TTC7B: variants seen among roughly 807,000 people sequenced by gnomAD.
The protein encoded by TTC7B is tetratricopeptide repeat domain 7B.
TTC7B carries 28 observed loss-of-function variants against 106.8 expected under a neutral mutation model. The ratio of observed to expected loss-of-function variants is 0.26; its 90% CI spans 0.19 to 0.36. The LOEUF (loss-of-function observed/expected upper bound fraction) is 0.36, where lower values mean the gene tolerates loss of function less well. TTC7B is among the 10% of genes least tolerant of loss of function. The pLI is 1.00. For missense variants in TTC7B, 862 were observed against 1,076.4 expected, an observed-to-expected ratio of 0.80 and a Z score of 2.79; for synonymous variants, 405 against 430.6, an observed-to-expected ratio of 0.94 and a Z score of 0.74.
chr14:90,779,099 G>A (rs1891126506), intron 3 of TTC7B, among the ~76,000 whole-genome samples: 1 of 152,184 alleles, frequency 6.6e-6, no homozygotes, highest in Admixed American at 6.5e-5. Context: ...GTCACGGAAC[G>A]TGGTTTGAAC....
intron 4 of TTC7B, among the ~76,000 whole-genome samples, chr14:90,735,496 GACCTTGTCTCAA>G (rs1889483857): frequency 2.0e-5 from 3 of 148,132 alleles, no homozygotes; most frequent in Admixed American, 2.0e-4. Context: ...GACAGAGTGA[GACCTTGTCTCAA>G]AAAAAAAAAA....
At chr14:90,669,674 AG>A (rs1886558083) in intron 9 of TTC7B, among the ~76,000 whole-genome samples, 1 of 152,264 alleles carries the variant, frequency 6.6e-6, no homozygotes, top group African/African-American at 2.4e-5. Flanking sequence ...GCACATAAAA[AG>A]ATGCTCAACA....
At position 90,544,129 on chromosome 14, in the gene TTC7B, A is replaced by C. The variant is rs570140099; in HGVS notation, c.2311-2540T>G. ...GGAGACCCCCAGCTCTGGGAGGAAG[A>C]GGCAGTTTAGGGAGCTCTCCTGGGT... On this transcript the variant is annotated intron_variant, in intron 19 of 19. Coordinates refer to ENST00000328459, the MANE Select transcript of TTC7B (RefSeq NM_001010854.2). Among the ~76,000 whole-genome samples, 4 of 152,310 alleles carry C rather than the reference A, an allele frequency of 2.6e-5. No homozygotes were observed. In the South Asian group the frequency reaches 6.2e-4, roughly 24 times the overall value.
chr14:90,570,834 A>G lies in TTC7B; in HGVS notation c.2310+7272T>C, dbSNP rs1400808673. ...CACAGCAACACCACCGGGCACTGTTATTACTCCCATTTCACTGTCGAGAAA... is the reference window on the plus strand; with the variant it reads ...CACAGCAACACCACCGGGCACTGTTGTTACTCCCATTTCACTGTCGAGAAA... On this transcript the variant is annotated intron_variant, in intron 19 of 19. Coordinates refer to ENST00000328459, the MANE Select transcript of TTC7B (RefSeq NM_001010854.2). This position sits in a 1 kb window ranked among gnomAD's most constrained non-coding sequence, Gnocchi z 4.0. Among the ~76,000 whole-genome samples, 1 of 152,178 alleles carries G rather than the reference A, an allele frequency of 6.6e-6. No individual in the cohort carries two copies.
chr14:90,661,117 G>C (rs970476127), intron 9 of TTC7B, among the ~76,000 whole-genome samples: 2 of 152,246 alleles, frequency 1.3e-5, no homozygotes, highest in Non-Finnish European at 2.9e-5. Context: ...AAGAGAAAGC[G>C]CGTGGCCCTG....
chr14:90,665,833 T>G (rs1290950661), intron 9 of TTC7B, among the ~76,000 whole-genome samples: 1 of 152,228 alleles, frequency 6.6e-6, no homozygotes, highest in Non-Finnish European at 1.5e-5. Context: ...CGTGTATACT[T>G]CACGAGTCAG....
chr14:90,658,254 G>C lies in TTC7B; in HGVS notation c.1236+50C>G, dbSNP rs557174058. On this transcript the variant is annotated intron_variant, in intron 10 of 19. Transcript: ENST00000328459. ...GCAATTCCATGACATTCAACTCTTT[G>C]GCCTTAATAGGAAAGGCATAAAAAA... 22 of 1,451,202 alleles carry C rather than the reference G, an allele frequency of 1.5e-5. No individual in the cohort carries two copies. In the African/African-American group the frequency reaches 2.8e-4, roughly 18 times the overall value. The allele number at this position is 1,451,202 out of a possible 1,614,324, so 89.9% of individuals were successfully genotyped here.
Position 90,578,251 on chromosome 14 carries a change from G to A in TTC7B, c.2165C>T (p.Ala722Val). The A allele has an allele frequency of 6.2e-7, 1 of 1,614,234 alleles. No individual in the cohort carries two copies. The highest frequency in any genetic ancestry group is 8.5e-7 in the Non-Finnish European group (1 of 1,180,050). Residue 722 changes from alanine to valine, a missense_variant, in exon 19 of 20, where the codon GCT (alanine) becomes GTT (valine). Transcript: ENST00000328459. The surrounding 1 kb of genome is among the most constrained non-coding windows in gnomAD (Gnocchi z 4.7). ...GTGGGACATTGGGAAGAGGTTGGCA[G>A]CTTCTTGGGTACAGGCTGTGGCTTC... ...PAEATACTQE[A>V]ANLFPMSHNV...
At position 90,793,900 on chromosome 14, in the gene TTC7B, GC is replaced by G. The variant is rs565915171; in HGVS notation, c.122-7573del. 3.1e-3 allele frequency among the ~76,000 whole-genome samples: 437 copies of G among 139,228 alleles called. 1 individual carries two copies. The highest frequency in any genetic ancestry group is 5.0e-3 in the Middle Eastern group (1 of 200). The allele number at this position is 139,228 out of a possible 152,430, so 91.3% of individuals were successfully genotyped here. A position where few individuals can be genotyped will look rare whatever the true frequency, so the allele number is the denominator to read the frequency against. ...TGGGATTATAGGCGTGAGCCACCGC[GC>G]CCGGCCTTGTTTGTTTTCTTCGAAA... is the stretch of plus-strand genomic sequence containing the variant. On this transcript the variant is annotated intron_variant, in intron 1 of 19. Transcript: ENST00000328459.
chr14:90,531,956 C>T lies in TTC7B; in HGVS notation c.*9412G>A, dbSNP rs1889299835. ...CAGACCTTTAAGAGGCTGAGGGGAC[C>T]AGATCACTTGAGACCAGGAGTTGGA... On this transcript the variant is annotated 3_prime_UTR_variant, in exon 20 of 20. Coordinates refer to ENST00000328459, the MANE Select transcript of TTC7B (RefSeq NM_001010854.2). The T allele has an allele frequency of 6.6e-6, 1 of 152,144 alleles. No individual in the cohort carries two copies. Among genetic ancestry groups the T allele is most frequent in the African/African-American group, 2.4e-5 (1 of 41,410 alleles). 9.4% of individuals were successfully genotyped at this position (152,144 alleles called of 1,614,324 possible). A position where few individuals can be genotyped will look rare whatever the true frequency, so the allele number is the denominator to read the frequency against.
chr14:90,701,255 T>C (rs151016474), intron 5 of TTC7B, among the ~76,000 whole-genome samples: 1 of 152,270 alleles, frequency 6.6e-6, no homozygotes, highest in African/African-American at 2.4e-5. Flanking sequence ...ACAACATTTT[T>C]TGGACTACCT....
intron 5 of TTC7B, among the ~76,000 whole-genome samples, chr14:90,708,250 G>C (rs981118177): frequency 4.0e-5 from 6 of 151,880 alleles, no homozygotes; most frequent in African/African-American, 1.5e-4. Flanking sequence ...ATTAATGAAG[G>C]TGCCTATAGT....
chr14:90,554,324 C>A (rs1353458230), intron 19 of TTC7B, among the ~76,000 whole-genome samples: 1 of 152,190 alleles, frequency 6.6e-6, no homozygotes, highest in Non-Finnish European at 1.5e-5. Flanking sequence ...CCCCAAAGGA[C>A]CAGCCATCCT....
At chr14:90,743,145 T>C (rs1264245481) in intron 4 of TTC7B, among the ~76,000 whole-genome samples, 2 of 152,216 alleles carry the variant, frequency 1.3e-5, no homozygotes, top group Non-Finnish European at 2.9e-5. Context: ...CATAGCAACC[T>C]TCTGATAGAA....
Position 90,624,275 on chromosome 14 carries a change from T to C in TTC7B, c.1752-6230A>G, listed in dbSNP as rs4904714. Among the ~76,000 whole-genome samples, 50,333 of 152,128 alleles carry C rather than the reference T, an allele frequency of 0.33. 8,805 individuals carry two copies. The highest frequency in any genetic ancestry group is 0.45 in the East Asian group (2,338 of 5,174). ...CTGGAATATTTTAAGAATCTCAAGATAACTCTTGAAATAACAACTATGTTT... is the reference window on the plus strand; with the variant it reads ...CTGGAATATTTTAAGAATCTCAAGACAACTCTTGAAATAACAACTATGTTT... On this transcript the variant is annotated intron_variant, in intron 15 of 19. Transcript: ENST00000328459. This position sits in a 1 kb window ranked among gnomAD's most constrained non-coding sequence, Gnocchi z 4.0.
At chr14:90,804,331 CAAA>C (rs1303813239) in intron 1 of TTC7B, among the ~76,000 whole-genome samples, 3 of 121,668 alleles carry the variant, frequency 2.5e-5, no homozygotes, top group African/African-American at 3.0e-5. Flanking sequence ...GACTCCGTCT[CAAA>C]AAAAAAAAAA....
chr14:90,567,459 C>T (rs1890846871), intron 19 of TTC7B: 2 of 152,192 alleles, frequency 1.3e-5, no homozygotes, highest in African/African-American at 2.4e-5. Context: ...ACCACGAGAC[C>T]TAGAGCTGGG....
intron 5 of TTC7B, among the ~76,000 whole-genome samples, chr14:90,725,921 T>TA (rs1206789934): frequency 6.6e-6 from 1 of 152,234 alleles, no homozygotes; most frequent in African/African-American, 2.4e-5. Context: ...GATGGGTAAA[T>TA]ATTCCTAAAG....
chr14:90,652,516 A>G (rs1885771329), intron 13 of TTC7B, among the ~76,000 whole-genome samples: 1 of 151,472 alleles, frequency 6.6e-6, no homozygotes, highest in Non-Finnish European at 1.5e-5. Flanking sequence ...AGAAAAGAAT[A>G]ATCTCTTCTC....
Sources: gnomAD v4.1 joint callset for allele counts (sites outside exome capture counted in the v4.1 genomes callset) on GRCh38, gnomAD v4.1.1 for gene constraint, Gnocchi (gnomAD v3.1) non-coding constraint, MANE v1.5 for transcripts, NCBI Gene and HGNC (gene_info 2026-07-23, HGNC 2026-07-21) for gene names.